Variants in C10orf67 observed in about 807,000 individuals in gnomAD.
C10orf67 encodes chromosome 10 open reading frame 67, also known as uncharacterized protein C10orf67, mitochondrial.
Under a neutral mutation model 35.6 loss-of-function variants are expected in C10orf67, and 60 were observed. The observed-to-expected ratio is 1.68, with a 90% CI of 1.37 to 2.09. The LOEUF (loss-of-function observed/expected upper bound fraction) is 2.09, where lower values mean the gene tolerates loss of function less well. C10orf67 is among the 30% of genes most tolerant of loss of function. C10orf67 has a pLI of 0.00. For synonymous variants in C10orf67, 167 were observed against 115.8 expected (o/e 1.44, Z -2.84); for missense variants, 474 against 330.2 (o/e 1.44, Z -3.38).
intron 15 of C10orf67, among the ~76,000 whole-genome samples, chr10:23,220,868 C>T (rs1841557796): frequency 6.6e-6 from 1 of 152,088 alleles, no homozygotes; most frequent in African/African-American, 2.4e-5. Flanking sequence ...AGAAGTTCAA[C>T]CTTTGATGCC....
chr10:23,323,586 C>T (rs1845042864), intron 2 of C10orf67, among the ~76,000 whole-genome samples: 1 of 151,974 alleles, frequency 6.6e-6, no homozygotes, highest in South Asian at 2.1e-4. Flanking sequence ...CATAGTCCTA[C>T]ATCGCTACAA....
chr10:23,322,242 C>T lies in C10orf67; in HGVS notation c.471+152G>A, dbSNP rs185492385. 1.2e-4 allele frequency among the ~76,000 whole-genome samples: 17 copies of T among 137,344 alleles called. No individual in the cohort carries two copies. In the East Asian group the frequency reaches 4.5e-3, roughly 36 times the overall value. 90.1% of individuals were successfully genotyped at this position (137,344 alleles called of 152,430 possible). A position where few individuals can be genotyped will look rare whatever the true frequency, so the allele number is the denominator to read the frequency against. Reference sequence around the variant, plus strand: ...TAAGTACTTACACAAGTCCCTGACACATAGTGAAGCTCTGTGTATTAATTA... The same window carrying T: ...TAAGTACTTACACAAGTCCCTGACATATAGTGAAGCTCTGTGTATTAATTA... On this transcript the variant is annotated intron_variant, in intron 3 of 15. Transcript: ENST00000636213.
intron 12 of C10orf67, among the ~76,000 whole-genome samples, chr10:23,243,026 A>C (rs1842223130): frequency 6.6e-6 from 1 of 152,180 alleles, no homozygotes. Flanking sequence ...GCTGAAAGAA[A>C]AAAGTTAGAA....
At chr10:23,245,492 G>C (rs1053870573) in intron 12 of C10orf67, among the ~76,000 whole-genome samples, 1 of 152,138 alleles carries the variant, frequency 6.6e-6, no homozygotes, top group African/African-American at 2.4e-5. Context: ...TCCAAAATAT[G>C]TAAGAAACTC....
intron 1 of C10orf67, among the ~76,000 whole-genome samples, chr10:23,343,063 T>C (rs1193839297): frequency 6.6e-6 from 1 of 152,190 alleles, no homozygotes; most frequent in East Asian, 1.9e-4. Flanking sequence ...ACAACAAAGC[T>C]AGAACACAGG....
chr10:23,330,257 G>T (rs527733930), intron 2 of C10orf67, among the ~76,000 whole-genome samples: 3 of 151,684 alleles, frequency 2.0e-5, no homozygotes, highest in Admixed American at 6.6e-5. Flanking sequence ...CAGGGATTTG[G>T]GACCAGCTTG....
At chr10:23,234,280 C>T (rs1290909075) in intron 13 of C10orf67, among the ~76,000 whole-genome samples, 6 of 152,132 alleles carry the variant, frequency 3.9e-5, no homozygotes, top group African/African-American at 4.8e-5. Flanking sequence ...ACTTAAATGC[C>T]CATCAATGAT....
chr10:23,259,908 G>A (rs533028375), intron 10 of C10orf67, among the ~76,000 whole-genome samples: 41 of 152,128 alleles, frequency 2.7e-4, no homozygotes, highest in Admixed American at 5.2e-4. Flanking sequence ...TTAATGAGCT[G>A]AGCATGTAAG....
intron 12 of C10orf67, 136 bp from the exon 13 acceptor site, chr10:23,239,952 T>G: frequency 4.5e-6 from 2 of 447,156 alleles, no homozygotes; most frequent in Non-Finnish European, 8.2e-6. Context: ...AATATTAGCA[T>G]GAACATACTA....
intron 8 of C10orf67, among the ~76,000 whole-genome samples, chr10:23,271,610 C>T (rs1229147346): frequency 6.6e-6 from 1 of 152,202 alleles, no homozygotes; most frequent in Non-Finnish European, 1.5e-5. Context: ...TAAATTTTAG[C>T]CATGCTAGTG....
chr10:23,312,490 T>C (rs1470408509), intron 4 of C10orf67, among the ~76,000 whole-genome samples: 1 of 152,182 alleles, frequency 6.6e-6, no homozygotes, highest in Non-Finnish European at 1.5e-5. Context: ...TGGCTACTCC[T>C]CCAAAAAGCC....
At chr10:23,230,975 A>AT (rs1022076742) in intron 13 of C10orf67, among the ~76,000 whole-genome samples, 2 of 151,982 alleles carry the variant, frequency 1.3e-5, no homozygotes, top group Non-Finnish European at 2.9e-5. Flanking sequence ...TCCTCCTTTC[A>AT]TTTTTTTGGA....
At chr10:23,333,000 A>T in intron 2 of C10orf67, 62 bp downstream of exon 2, 1 of 1,510,486 alleles carries the variant, frequency 6.6e-7, no homozygotes, top group Non-Finnish European at 9.0e-7. Context: ...TCTATGAAAG[A>T]AACATGAAGG....
chr10:23,218,864 A>G (rs1403094951), intron 15 of C10orf67, among the ~76,000 whole-genome samples: 1 of 152,224 alleles, frequency 6.6e-6, no homozygotes, highest in Non-Finnish European at 1.5e-5. Flanking sequence ...GAAAACCTTA[A>G]CAAATTATAT....
chr10:23,325,504 G>T (rs1845152109), intron 2 of C10orf67, among the ~76,000 whole-genome samples: 6 of 137,612 alleles, frequency 4.4e-5, no homozygotes, highest in African/African-American at 5.3e-5. Context: ...ATAATTTTCT[G>T]TTTTAATCCA....
intron 2 of C10orf67, among the ~76,000 whole-genome samples, chr10:23,332,675 CAA>C (rs57837146): frequency 8.2e-5 from 11 of 134,834 alleles, no homozygotes; most frequent in Non-Finnish European, 9.6e-5. Flanking sequence ...GACACTGTCT[CAA>C]AAAAAAAAAA....
chr10:23,309,869 A>G (rs1462731247), intron 4 of C10orf67, among the ~76,000 whole-genome samples: 1 of 152,236 alleles, frequency 6.6e-6, no homozygotes, highest in East Asian at 1.9e-4. Flanking sequence ...GTGCAGACTC[A>G]AAGATTCCTC....
In C10orf67 at chr10:23,289,919, T is replaced by C. The variant is rs1843666090; in HGVS notation, c.890A>G (p.Asp297Gly). The C allele has an allele frequency of 1.4e-6, 1 of 716,988 alleles. No individual in the cohort carries two copies. Among genetic ancestry groups the C allele is most frequent in the African/African-American group, 1.7e-5 (1 of 57,288 alleles). The allele number at this position is 716,988 out of a possible 1,614,324, so 44.4% of individuals were successfully genotyped here. ...TAGTACCTTTTGAATAGTTTTGTGATCCTTTTCTGCCATCTCTTTCATACT... is the reference window on the plus strand; with the variant it reads ...TAGTACCTTTTGAATAGTTTTGTGACCCTTTTCTGCCATCTCTTTCATACT... Reference protein sequence around the residue: ...LISMKEMAEKDHKTIQKLMDS... With the variant: ...LISMKEMAEKGHKTIQKLMDS... Residue 297 changes from aspartate to glycine, a missense_variant, in exon 7 of 16, where the codon GAT (aspartate) becomes GGT (glycine). Asp to Gly is a moderately conservative substitution (Grantham distance 94). Transcript: ENST00000636213.
intron 15 of C10orf67, among the ~76,000 whole-genome samples, chr10:23,218,103 A>G (rs1038371396): frequency 6.6e-6 from 1 of 152,062 alleles, no homozygotes; most frequent in South Asian, 2.1e-4. Flanking sequence ...AATTCACTGT[A>G]TTTGGAAGGA....
Sources: gnomAD v4.1 joint callset for allele counts (sites outside exome capture counted in the v4.1 genomes callset) on GRCh38, gnomAD v4.1.1 for gene constraint, MANE v1.5 for transcripts, NCBI Gene and HGNC (gene_info 2026-07-23, HGNC 2026-07-21) for gene names.